The following MRC1 variants were observed in gnomAD, a reference collection of about 807,000 sequenced individuals.
The protein encoded by MRC1 is mannose receptor C-type 1.
Under a neutral mutation model 102.9 loss-of-function variants are expected in MRC1, and 62 were observed. That is an observed-to-expected ratio of 0.60 (90% CI 0.49 to 0.74). The LOEUF (loss-of-function observed/expected upper bound fraction) is 0.74, where lower values mean the gene tolerates loss of function less well. Ranked by LOEUF, MRC1 falls within the 30% of genes least tolerant of loss-of-function variation. The pLI, the probability that MRC1 is intolerant of heterozygous loss-of-function variation, is 0.00. For synonymous variants in MRC1, 457 were observed against 298.4 expected (o/e 1.53, Z -5.48); for missense variants, 1,237 against 862.8 (o/e 1.43, Z -5.43).
chr10:17,825,785 C>T (rs916758656), intron 2 of MRC1, among the ~76,000 whole-genome samples: 19,219 of 152,180 alleles, frequency 0.13, 1,354 homozygotes, highest in East Asian at 0.18. Flanking sequence ...GTAAATCCAG[C>T]GCTGAACATT....
Position 17,871,982 on chromosome 10 carries a change from G to A in MRC1, c.2200G>A (p.Val734Ile). Residue 734 changes from valine to isoleucine, a missense_variant and splice_region_variant, in exon 15 of 30, where the codon GTT becomes ATT. Physicochemically the swap from Val to Ile is conservative, Grantham distance 29. Coordinates refer to ENST00000569591, the MANE Select transcript of MRC1 (RefSeq NM_002438.4). ...EGFTWSDGSP[V>I]SYENWAYGEP... Reference sequence around the variant, plus strand: ...TTGTAGTTTAATGTTTCTAATATAGGTTTCATATGAAAACTGGGCTTATGG... The same window carrying A: ...TTGTAGTTTAATGTTTCTAATATAGATTTCATATGAAAACTGGGCTTATGG... 1.3e-6 allele frequency: 1 copy of A among 780,438 alleles called. No homozygotes were observed. Among genetic ancestry groups the A allele is most frequent in the South Asian group, 1.3e-5 (1 of 74,578 alleles). 48.3% of individuals were successfully genotyped at this position (780,438 alleles called of 1,614,324 possible).
chr10:17,891,049 C>T (rs1035110550), intron 22 of MRC1, among the ~76,000 whole-genome samples: 1 of 151,558 alleles, frequency 6.6e-6, no homozygotes, highest in Non-Finnish European at 1.5e-5. Context: ...TCTCCCATTA[C>T]CCCCAGATGG....
At chr10:17,906,804 T>C in intron 26 of MRC1, 82 bp from the exon 27 acceptor site, 1 of 778,174 alleles carries the variant, frequency 1.3e-6, no homozygotes, top group Non-Finnish European at 2.4e-6. Flanking sequence ...TTTTTGTTGC[T>C]CTCAATAGCA....
At chr10:17,905,897 A>G (rs1279538698) in intron 26 of MRC1, among the ~76,000 whole-genome samples, 1 of 152,194 alleles carries the variant, frequency 6.6e-6, no homozygotes, top group African/African-American at 2.4e-5. Flanking sequence ...TAATGAAGTG[A>G]TTGGAAAATT....
chr10:17,897,622 G>A (rs1031379936), intron 23 of MRC1, among the ~76,000 whole-genome samples: 3 of 152,190 alleles, frequency 2.0e-5, no homozygotes, highest in African/African-American at 4.8e-5. Context: ...GGGAGGAAGA[G>A]AAAGACTTTT....
intron 4 of MRC1, among the ~76,000 whole-genome samples, chr10:17,836,204 G>A (rs1376492208): frequency 2.0e-5 from 3 of 152,150 alleles, no homozygotes; most frequent in African/African-American, 4.8e-5. Flanking sequence ...GATGACACCC[G>A]TCACCAACCA....
chr10:17,845,531 G>T, intron 6 of MRC1, 96 bp downstream of exon 6: 1 of 760,380 alleles, frequency 1.3e-6, no homozygotes. Flanking sequence ...GCCGCCAGAG[G>T]TTTTGTGGAT....
At chr10:17,879,895 G>T (rs1554842321) in intron 19 of MRC1, 74 bp downstream of exon 19, 1 of 779,944 alleles carries the variant, frequency 1.3e-6, no homozygotes, top group Non-Finnish European at 2.4e-6. Flanking sequence ...ACTAAAAGTA[G>T]CAAGTTGTGT....
At position 17,849,690 on chromosome 10, in the gene MRC1, G is replaced by A. The variant is rs1838884150; in HGVS notation, c.1175G>A (p.Arg392Lys). The A allele has an allele frequency of 1.3e-6, 1 of 780,948 alleles. No homozygotes were observed. The highest frequency in any genetic ancestry group is 1.3e-5 in the South Asian group (1 of 74,622). The allele number at this position is 780,948 out of a possible 1,614,324, so 48.4% of individuals were successfully genotyped here. Residue 392 changes from arginine to lysine, a missense_variant, in exon 7 of 30, where the codon AGG (arginine) becomes AAG (lysine). By Grantham distance (26) the Arg-to-Lys change is conservative. Transcript: ENST00000569591. ...CAGAGGGATGCTCTGACCACCTGCA[G>A]GAAGGAAGGCGGTGACCTCACAAGT... ...KIQRDALTTC[R>K]KEGGDLTSIH...
At chr10:17,857,463 C>G (rs1450113812) in intron 9 of MRC1, among the ~76,000 whole-genome samples, 1 of 151,774 alleles carries the variant, frequency 6.6e-6, no homozygotes, top group East Asian at 1.9e-4. Context: ...TTCTATTTTC[C>G]TACACATCTA....
At chr10:17,874,332 C>T (rs1409661610) in intron 16 of MRC1, among the ~76,000 whole-genome samples, 2 of 152,166 alleles carry the variant, frequency 1.3e-5, no homozygotes, top group African/African-American at 4.8e-5. Flanking sequence ...TCCTTCAAAA[C>T]CAGCAATGTA....
At chr10:17,840,542 G>T in intron 4 of MRC1, 151 bp from the exon 5 acceptor site, 1 of 655,958 alleles carries the variant, frequency 1.5e-6, no homozygotes, top group South Asian at 1.8e-5. Context: ...GCCTTAGGTT[G>T]TCAGGAGAAT....
At chr10:17,881,684 T>C (rs1277401651) in intron 21 of MRC1, among the ~76,000 whole-genome samples, 1 of 149,074 alleles carries the variant, frequency 6.7e-6, no homozygotes, top group Non-Finnish European at 1.5e-5. Context: ...TTTTTTTTTT[T>C]TTTTTTTTTG....
chr10:17,813,662 TAC>T (rs1189019911), intron 1 of MRC1, among the ~76,000 whole-genome samples: 1,915 of 138,434 alleles, frequency 0.014, 37 homozygotes, highest in African/African-American at 0.045. Context: ...TATATATATA[TAC>T]ACACACACAC....
intron 4 of MRC1, among the ~76,000 whole-genome samples, chr10:17,840,402 G>C (rs969896780): frequency 1.3e-5 from 2 of 152,196 alleles, no homozygotes; most frequent in African/African-American, 4.8e-5. Flanking sequence ...TGAGAAAGTA[G>C]ATAATAGTCA....
At chr10:17,813,700 A>ATT (rs1168166887) in intron 1 of MRC1, among the ~76,000 whole-genome samples, 22 of 125,688 alleles carry the variant, frequency 1.8e-4, no homozygotes, top group African/African-American at 5.8e-4. Context: ...ATATATATAT[A>ATT]TTTTTTTTTT....
intron 9 of MRC1, among the ~76,000 whole-genome samples, chr10:17,858,779 CCAGGCATGAGCCATCA>C (rs1419004118): frequency 6.6e-6 from 1 of 152,044 alleles, no homozygotes; most frequent in Admixed American, 6.5e-5. Context: ...AGCCATTGTG[CCAGGCATGAGCCATCA>C]CAGGCATGAG....
chr10:17,823,999 CTG>C (rs1335735658), intron 2 of MRC1, among the ~76,000 whole-genome samples: 2 of 152,112 alleles, frequency 1.3e-5, no homozygotes, highest in African/African-American at 4.8e-5. Context: ...TATTTAGAGA[CTG>C]TAATAATCAG....
intron 6 of MRC1, 41 bp downstream of exon 6, chr10:17,845,476 A>C (rs1554840159): frequency 1.3e-6 from 1 of 779,906 alleles, no homozygotes; most frequent in East Asian, 2.4e-5. Flanking sequence ...AACTATTAGA[A>C]TTGAAAGATA....
Sources: gnomAD v4.1 joint callset for allele counts (sites outside exome capture counted in the v4.1 genomes callset) on GRCh38, gnomAD v4.1.1 for gene constraint, MANE v1.5 for transcripts, NCBI Gene and HGNC (gene_info 2026-07-23, HGNC 2026-07-21) for gene names.